The following CAMSAP3 variants were observed in gnomAD, a reference collection of about 807,000 sequenced individuals.
The protein encoded by CAMSAP3 is calmodulin regulated spectrin associated protein family member 3, also known as calmodulin-regulated spectrin-associated protein 3.
Under a neutral mutation model 112.5 loss-of-function variants are expected in CAMSAP3, and 34 were observed. The ratio of observed to expected loss-of-function variants is 0.30; its 90% CI spans 0.23 to 0.40. The LOEUF is 0.40. Ranked by LOEUF, CAMSAP3 falls within the 10% of genes least tolerant of loss-of-function variation. The pLI is 1.00. For synonymous variants in CAMSAP3, 868 were observed against 799.8 expected, an observed-to-expected ratio of 1.09 and a Z score of -1.44; for missense variants, 1,602 against 1,770.3, an observed-to-expected ratio of 0.90 and a Z score of 1.71.
In CAMSAP3 at chr19:7,597,162, C is replaced by T. The variant is rs187603378; in HGVS notation, c.148+1012C>T. Among the ~76,000 whole-genome samples the T allele has an allele frequency of 5.9e-5, 9 of 152,274 alleles. No homozygotes were observed. In the East Asian group the frequency reaches 1.7e-3, roughly 29 times the overall value. ...CCACTGGTGTTGGCACAGCCCATCC[C>T]CCCTCTCCCTGGCCTTCCCAGATCA... On this transcript the variant is annotated intron_variant, in intron 1 of 16. Coordinates refer to ENST00000160298, the MANE Select transcript of CAMSAP3 (RefSeq NM_020902.2).
intron 1 of CAMSAP3, among the ~76,000 whole-genome samples, chr19:7,600,921 T>G (rs1599344015): frequency 7.5e-6 from 1 of 133,568 alleles, no homozygotes; most frequent in East Asian, 2.3e-4. Context: ...CATTCATCCA[T>G]TTATCCATCC....
At chr19:7,606,150 A>AACCCCCCCCCCCCCCCCCCC in intron 2 of CAMSAP3, 121 bp from the exon 3 acceptor site, 1 of 265,232 alleles carries the variant, frequency 3.8e-6, no homozygotes, top group Non-Finnish European at 6.6e-6. Flanking sequence ...CGCCCCCTCA[A>AACCCCCCCCCCCCCCCCCCC]GCCCCACCCC....
In CAMSAP3 at chr19:7,613,179, G is replaced by T. The variant is rs1599360186; in HGVS notation, c.2670+16G>T. On this transcript the variant is annotated intron_variant, in intron 11 of 16. Coordinates refer to ENST00000160298, the MANE Select transcript of CAMSAP3 (RefSeq NM_020902.2). ...CTTCTACAAGGTGAGTCCCCGAGCA[G>T]GTGGCTGGAGGGTCCTGGGCCTGGG... 3 of 1,468,578 alleles carry T rather than the reference G, an allele frequency of 2.0e-6. No individual in the cohort carries two copies. Among genetic ancestry groups the T allele is most frequent in the East Asian group, 5.2e-5 (2 of 38,290 alleles). The allele number at this position is 1,468,578 out of a possible 1,614,324, so 91.0% of individuals were successfully genotyped here.
Position 7,605,483 on chromosome 19 carries a change from G to C in CAMSAP3, c.402+4G>C. On this transcript the variant is annotated splice_donor_region_variant and intron_variant, in intron 2 of 16. Transcript: ENST00000160298. ...GAGGCACCAGCCCATTCTCATGGTA[G>C]GCCCCGCCACTGCCTGTTAGACCAC... is the stretch of plus-strand genomic sequence containing the variant. 1.4e-6 allele frequency: 2 copies of C among 1,453,622 alleles called. No homozygotes were observed. Among genetic ancestry groups the C allele is most frequent in the South Asian group, 1.5e-5 (1 of 67,512 alleles). 90.0% of individuals were successfully genotyped at this position (1,453,622 alleles called of 1,614,324 possible). A position where few individuals can be genotyped will look rare whatever the true frequency, so the allele number is the denominator to read the frequency against.
At chr19:7,600,704 ATC>A (rs2029919172) in intron 1 of CAMSAP3, among the ~76,000 whole-genome samples, 1 of 12,666 alleles carries the variant, frequency 7.9e-5, no homozygotes, top group Non-Finnish European at 1.4e-4. Context: ...CCACCCACCC[ATC>A]CACCCACCCT....
At chr19:7,596,822 T>C (rs983177007) in intron 1 of CAMSAP3, among the ~76,000 whole-genome samples, 1 of 151,924 alleles carries the variant, frequency 6.6e-6, no homozygotes, top group Non-Finnish European at 1.5e-5. Flanking sequence ...GGGAAATGGG[T>C]AGTACAAGAT....
At position 7,612,491 on chromosome 19, in the gene CAMSAP3, G is replaced by A. The variant is rs370686296; in HGVS notation, c.1998G>A (p.Arg666=). Residue 666 remains arginine, a synonymous_variant, in exon 11 of 17, where the codon CGG becomes CGA. Coordinates refer to ENST00000160298, the MANE Select transcript of CAMSAP3 (RefSeq NM_020902.2). The stretch of plus-strand genomic sequence containing the variant: ...CCGGTCCAGTCCCTGGTGGGGAGCG[G>A]CCCGCAGGCGAGGGCCAGGGTGAGC... ...ADSGPVPGGE[R]PAGEGQGEPT... is the part of the protein sequence containing the mutation. The A allele has an allele frequency of 3.2e-6, 5 of 1,550,136 alleles. No homozygotes were observed. The African/African-American group carries it at 4.1e-5, about 13-fold the overall frequency.
At position 7,615,752 on chromosome 19, in the gene CAMSAP3, T is replaced by C; in HGVS notation, c.3112+33T>C. ...CCCTTGGGGGACGGGGCCTGCCCAG[T>C]GCCCTTTCCGGGGCTCACTGGGTGA... On this transcript the variant is annotated intron_variant, in intron 13 of 16. Transcript: ENST00000160298. This position sits in a 1 kb window ranked among gnomAD's most constrained non-coding sequence, Gnocchi z 6.5. The C allele has an allele frequency of 9.2e-7, 1 of 1,088,286 alleles. No homozygotes were observed. The highest frequency in any genetic ancestry group is 1.1e-6 in the Non-Finnish European group (1 of 892,282). The allele number at this position is 1,088,286 out of a possible 1,614,324, so 67.4% of individuals were successfully genotyped here. A position where few individuals can be genotyped will look rare whatever the true frequency, so the allele number is the denominator to read the frequency against.
At chr19:7,602,979 T>TCA (rs1349360433) in intron 1 of CAMSAP3, among the ~76,000 whole-genome samples, 4 of 152,152 alleles carry the variant, frequency 2.6e-5, no homozygotes, top group African/African-American at 9.6e-5. Context: ...GAAATACCTC[T>TCA]TCTTTCAAGG....
intron 11 of CAMSAP3, 38 bp downstream of exon 11, chr19:7,613,201 TGGGGCGGGGGCGGGTGGGGGCGG>T: frequency 8.4e-6 from 1 of 119,758 alleles, no homozygotes; most frequent in Non-Finnish European, 1.0e-5. Flanking sequence ...GTCCTGGGCC[TGGGGCGGGGGCGGGTGGGGGCGG>T]GGGGAGGTGG....
intron 4 of CAMSAP3, chr19:7,606,819 G>T (rs2030250885): frequency 6.2e-7 from 1 of 1,613,690 alleles, no homozygotes; most frequent in African/African-American, 1.3e-5. Flanking sequence ...TGTAAGTGGG[G>T]CTGTCTGTCC....
Position 7,612,378 on chromosome 19 carries a change from C to G in CAMSAP3, c.1885C>G (p.Arg629Gly). The G allele has an allele frequency of 6.3e-7, 1 of 1,599,236 alleles. No homozygotes were observed. The highest frequency in any genetic ancestry group is 1.3e-5 in the African/African-American group (1 of 74,818). The change falls in exon 11 of 17, where the codon CGC becomes GGC. Residue 629 changes from arginine (R) to glycine (G), a missense_variant. Coordinates refer to ENST00000160298, the MANE Select transcript of CAMSAP3 (RefSeq NM_020902.2). The stretch of plus-strand genomic sequence containing the variant: ...GATTGAGGCCATATTCGCCAAGCAC[C>G]GCCAGCGGCTGGGCAAAAGCGCCTT... ...RRIEAIFAKH[R>G]QRLGKSAFLQ...
At chr19:7,608,772 C>T (rs567015784) in intron 5 of CAMSAP3, among the ~76,000 whole-genome samples, 9 of 151,688 alleles carry the variant, frequency 5.9e-5, no homozygotes, top group African/African-American at 2.2e-4. Flanking sequence ...GTAGCTGGGA[C>T]TACAGCCACA....
Position 7,596,122 on chromosome 19 carries a change from G to T in CAMSAP3, c.120G>T (p.Trp40Cys). Residue 40 changes from tryptophan (W) to cysteine (C), a missense_variant, in exon 1 of 17, where the codon TGG (tryptophan) becomes TGT (cysteine). By Grantham distance (215) the Trp-to-Cys change is radical. Transcript: ENST00000160298. ...SRAKAAASLAWVLRAAFGGAE... is the reference protein window; with the variant it reads ...SRAKAAASLACVLRAAFGGAE... ...CCAAGGCGGCGGCCAGCCTGGCGTG[G>T]GTGCTGCGGGCCGCGTTCGGGGGCG... is the stretch of plus-strand genomic sequence containing the variant. The T allele has an allele frequency of 8.2e-7, 1 of 1,222,810 alleles. No individual in the cohort carries two copies. The highest frequency in any genetic ancestry group is 5.9e-5 in the East Asian group (1 of 16,842). 75.7% of individuals were successfully genotyped at this position (1,222,810 alleles called of 1,614,324 possible). A position where few individuals can be genotyped will look rare whatever the true frequency, so the allele number is the denominator to read the frequency against.
rs1054389298 is a variant in CAMSAP3, at chr19:7,615,583, C to T, written c.2976C>T (p.Asp992=). The T allele has an allele frequency of 3.7e-5, 56 of 1,503,484 alleles. No homozygotes were observed. The highest frequency in any genetic ancestry group is 4.6e-5 in the Non-Finnish European group (52 of 1,126,538). The allele number at this position is 1,503,484 out of a possible 1,614,324, so 93.1% of individuals were successfully genotyped here. A position where few individuals can be genotyped will look rare whatever the true frequency, so the allele number is the denominator to read the frequency against. Residue 992 remains aspartate, a synonymous_variant, in exon 13 of 17, where the codon GAC becomes GAT. Transcript: ENST00000160298. This position sits in a 1 kb window ranked among gnomAD's most constrained non-coding sequence, Gnocchi z 6.5. ...YERRAQLKLM[D]DLDKVLRPRA... ...GCCGGGCCCAGCTGAAGCTGATGGA[C>T]GACCTCGATAAGGTGCTGCGGCCCC...
At chr19:7,596,266 C>T (rs553761124) in intron 1 of CAMSAP3, 116 bp downstream of exon 1, 26 of 426,018 alleles carry the variant, frequency 6.1e-5, no homozygotes, top group Non-Finnish European at 7.9e-5. Context: ...TAGCGCCGGC[C>T]GCCGGGGGTC....
intron 11 of CAMSAP3, among the ~76,000 whole-genome samples, chr19:7,613,880 C>T (rs1333619253): frequency 6.6e-6 from 1 of 152,138 alleles, no homozygotes; most frequent in Non-Finnish European, 1.5e-5. Flanking sequence ...TGACTGGCCT[C>T]TGCTGCCTGC....
At chr19:7,616,831 T>G (rs1460053338) in intron 14 of CAMSAP3, among the ~76,000 whole-genome samples, 14 of 151,794 alleles carry the variant, frequency 9.2e-5, no homozygotes, top group Non-Finnish European at 8.8e-5. Flanking sequence ...TCAGTGCACT[T>G]GAGTGCCAGG....
chr19:7,611,990 C>G lies in CAMSAP3; in HGVS notation c.1497C>G (p.Pro499=), dbSNP rs1319332234. ...CCTCCAAGCCATCCCTGGCCTCCCC[C>G]TACCTGCCCGAGGGGACCTCCAAAC... ...EGPSKPSLAS[P]YLPEGTSKPL... Residue 499 remains proline, a synonymous_variant, in exon 11 of 17, where the codon CCC becomes CCG. Coordinates refer to ENST00000160298, the MANE Select transcript of CAMSAP3 (RefSeq NM_020902.2). This position sits in a 1 kb window ranked among gnomAD's most constrained non-coding sequence, Gnocchi z 6.9. 3 of 1,612,460 alleles carry G rather than the reference C, an allele frequency of 1.9e-6. No individual in the cohort carries two copies. The highest frequency in any genetic ancestry group is 2.5e-6 in the Non-Finnish European group (3 of 1,179,892).
Sources: allele counts gnomAD v4.1 joint callset (sites outside exome capture counted in the v4.1 genomes callset), GRCh38; gene constraint gnomAD v4.1.1; non-coding constraint Gnocchi (gnomAD v3.1); transcripts MANE v1.5; gene names NCBI Gene and HGNC (gene_info 2026-07-23, HGNC 2026-07-21).